Variants in KLHL32 observed in about 807,000 individuals in gnomAD.
The protein encoded by KLHL32 is kelch-like protein 32.
Under a neutral mutation model 64.8 loss-of-function variants are expected in KLHL32, and 35 were observed. That is an observed-to-expected ratio of 0.54 (90% CI 0.41 to 0.72). KLHL32 has a LOEUF of 0.72. KLHL32 is among the 30% of genes least tolerant of loss of function. KLHL32 has a pLI of 0.00. For missense variants in KLHL32, 589 were observed against 768.5 expected, an observed-to-expected ratio of 0.77 and a Z score of 2.76; for synonymous variants, 259 against 281.0, an observed-to-expected ratio of 0.92 and a Z score of 0.78.
intron 1 of KLHL32, among the ~76,000 whole-genome samples, chr6:96,955,587 A>G (rs781782417): frequency 1.3e-5 from 2 of 152,144 alleles, no homozygotes; most frequent in African/African-American, 4.8e-5. Flanking sequence ...TATGTGTTCA[A>G]TCTGCCACTT....
chr6:96,909,786 A>G, the KLHL32 span, among the ~76,000 whole-genome samples: 1 of 152,256 alleles, frequency 6.6e-6, no homozygotes, highest in Non-Finnish European at 1.5e-5. Flanking sequence ...GAAGAGTTTG[A>G]AAGCATGTGT....
At chr6:97,033,909 T>C (rs1366599761) in intron 3 of KLHL32, among the ~76,000 whole-genome samples, 1 of 152,162 alleles carries the variant, frequency 6.6e-6, no homozygotes, top group East Asian at 1.9e-4. Flanking sequence ...GAATTTTGAG[T>C]TCCTTAAATA....
intron 4 of KLHL32, among the ~76,000 whole-genome samples, chr6:97,051,393 G>A (rs1786880224): frequency 6.6e-6 from 1 of 152,140 alleles, no homozygotes; most frequent in African/African-American, 2.4e-5. Context: ...TGTCATAGGT[G>A]GGGCAATAAA....
At chr6:97,082,613 C>CA (rs35233098) in intron 5 of KLHL32, among the ~76,000 whole-genome samples, 48,582 of 143,654 alleles carry the variant, frequency 0.34, 8,721 homozygotes, top group East Asian at 0.44. Context: ...GATTCCATCT[C>CA]AAAAAAAAAA....
chr6:96,920,016 CAGTG>C (rs1460306776), upstream of KLHL32, among the ~76,000 whole-genome samples: 6 of 152,156 alleles, frequency 3.9e-5, no homozygotes, highest in Non-Finnish European at 5.9e-5. Flanking sequence ...GGCCAGTCCT[CAGTG>C]GAAAGGCAGG....
Position 97,027,337 on chromosome 6 carries a change from A to G in KLHL32, c.205-14155A>G, listed in dbSNP as rs188816218. ...CTCACTTGAGCTGGATGTGGCTTACAGCCCTCAACGGGGCTGCAGGAAGCC... is the reference window on the plus strand; with the variant it reads ...CTCACTTGAGCTGGATGTGGCTTACGGCCCTCAACGGGGCTGCAGGAAGCC... On this transcript the variant is annotated intron_variant, in intron 3 of 10. Transcript: ENST00000369261. 4.6e-5 allele frequency among the ~76,000 whole-genome samples: 7 copies of G among 152,326 alleles called. No individual in the cohort carries two copies. In the East Asian group the frequency reaches 1.3e-3, roughly 29 times the overall value.
intron 5 of KLHL32, among the ~76,000 whole-genome samples, chr6:97,084,608 T>C (rs1316020163): frequency 6.6e-6 from 1 of 152,236 alleles, no homozygotes; most frequent in Non-Finnish European, 1.5e-5. Context: ...TATAAAACTC[T>C]GGATTTTAGT....
chr6:97,041,018 A>G (rs1033064145), intron 3 of KLHL32, among the ~76,000 whole-genome samples: 2 of 152,214 alleles, frequency 1.3e-5, no homozygotes, highest in African/African-American at 4.8e-5. Flanking sequence ...AGTCTCAGGC[A>G]GTTCTTTATA....
intron 5 of KLHL32, among the ~76,000 whole-genome samples, chr6:97,068,009 GAC>G (rs60482205): frequency 0.12 from 18,484 of 149,844 alleles, 1,944 homozygotes; most frequent in African/African-American, 0.25. Context: ...ACTTCATACA[GAC>G]ACACACACAC....
chr6:97,090,566 G>A (rs983239011), intron 6 of KLHL32, among the ~76,000 whole-genome samples: 1 of 152,178 alleles, frequency 6.6e-6, no homozygotes, highest in Non-Finnish European at 1.5e-5. Flanking sequence ...GAAGACACTG[G>A]TGATGTACTC....
intron 3 of KLHL32, among the ~76,000 whole-genome samples, chr6:97,005,629 A>G (rs1438223244): frequency 3.3e-5 from 5 of 152,068 alleles, no homozygotes; most frequent in African/African-American, 1.2e-4. Flanking sequence ...TACTATAAAC[A>G]TTCTTCTTCA....
chr6:96,922,505 TAA>T (rs11301965), upstream of KLHL32, among the ~76,000 whole-genome samples: 1,481 of 150,334 alleles, frequency 9.9e-3, 35 homozygotes, highest in African/African-American at 0.034. Context: ...ACTCACACTT[TAA>T]AAAAAAAAAA....
At chr6:96,925,483 T>C (rs1164881558) in intron 1 of KLHL32, among the ~76,000 whole-genome samples, 1 of 152,192 alleles carries the variant, frequency 6.6e-6, no homozygotes, top group East Asian at 1.9e-4. Flanking sequence ...AAAGGATTCG[T>C]CAGATGAATT....
At chr6:97,003,053 G>C (rs1434360417) in intron 3 of KLHL32, among the ~76,000 whole-genome samples, 3 of 152,114 alleles carry the variant, frequency 2.0e-5, no homozygotes, top group Admixed American at 6.5e-5. Flanking sequence ...GTAGTTCTAA[G>C]TTCTTTGAGA....
At chr6:97,105,282 C>T (rs954457766) in intron 6 of KLHL32, among the ~76,000 whole-genome samples, 2 of 152,164 alleles carry the variant, frequency 1.3e-5, no homozygotes, top group African/African-American at 4.8e-5. Flanking sequence ...GGAAAAGATT[C>T]GTCTATGCAT....
At chr6:96,989,462 C>T (rs560848822) in intron 3 of KLHL32, among the ~76,000 whole-genome samples, 20 of 152,274 alleles carry the variant, frequency 1.3e-4, no homozygotes, top group African/African-American at 4.6e-4. Flanking sequence ...TTTTGAAAGG[C>T]ATGCTGTTAG....
chr6:97,128,578 C>G (rs1799111506), intron 8 of KLHL32, among the ~76,000 whole-genome samples: 1 of 152,250 alleles, frequency 6.6e-6, no homozygotes, highest in African/African-American at 2.4e-5. Context: ...CTCAATAACT[C>G]TATCATTCAG....
intron 4 of KLHL32, among the ~76,000 whole-genome samples, chr6:97,054,560 T>G (rs1787485447): frequency 6.6e-6 from 1 of 152,228 alleles, no homozygotes; most frequent in African/African-American, 2.4e-5. Context: ...TACCTGAGTA[T>G]GTTTGATGCT....
intron 7 of KLHL32, among the ~76,000 whole-genome samples, chr6:97,116,979 G>A (rs1022053094): frequency 5.9e-5 from 9 of 152,182 alleles, no homozygotes; most frequent in African/African-American, 9.7e-5. Flanking sequence ...TACTTGAGAT[G>A]AAAAACTCAC....
Sources: allele counts gnomAD v4.1 joint callset (sites outside exome capture counted in the v4.1 genomes callset), GRCh38; gene constraint gnomAD v4.1.1; transcripts MANE v1.5; gene names NCBI Gene and HGNC (gene_info 2026-07-23, HGNC 2026-07-21).